The following SCGB2B2 variants were observed in gnomAD, a reference collection of about 807,000 sequenced individuals.
SCGB2B2 encodes the protein secretoglobin-like protein.
In SCGB2B2, 11 loss-of-function variants were observed where a neutral mutation model predicts 7.6. The observed-to-expected ratio is 1.45, with a 90% CI of 0.91 to 2.40. The LOEUF is 2.40. Ranked by LOEUF, SCGB2B2 falls within the 30% of genes most tolerant of loss-of-function variation. The probability of loss-of-function intolerance (pLI) is 0.00; values close to 1 mark genes in which losing one functional copy is unlikely to be tolerated. For synonymous variants in SCGB2B2, 50 were observed against 48.6 expected (o/e 1.03, Z -0.12); for missense variants, 104 against 115.4 (o/e 0.90, Z 0.45).
chr19:34,635,733 G>C (rs183663762), intron 1 of SCGB2B2: 24 of 166,902 alleles, frequency 1.4e-4, no homozygotes, highest in Non-Finnish European at 3.1e-4. Context: ...AGTATTTCTG[G>C]GTGAATTCTG....
chr19:34,610,007 T>A (rs2065885692), intron 1 of SCGB2B2, among the ~76,000 whole-genome samples: 1 of 152,166 alleles, frequency 6.6e-6, no homozygotes, highest in African/African-American at 2.4e-5. Flanking sequence ...ATCAATGTTT[T>A]ATAGCTTTTT....
intron 1 of SCGB2B2, among the ~76,000 whole-genome samples, chr19:34,653,838 A>C (rs1040534823): frequency 6.6e-6 from 1 of 151,260 alleles, no homozygotes; most frequent in Non-Finnish European, 1.5e-5. Flanking sequence ...ATGGTAATAT[A>C]TAAAAACCCA....
At chr19:34,630,528 G>T (rs996780912) in intron 1 of SCGB2B2, among the ~76,000 whole-genome samples, 24 of 151,872 alleles carry the variant, frequency 1.6e-4, no homozygotes, top group African/African-American at 5.6e-4. Context: ...CACCATCACT[G>T]GCCATCAGAG....
Position 34,676,672 on chromosome 19 carries a change from C to T in SCGB2B2, c.-3074G>A, listed in dbSNP as rs2067962206. 1 of 152,134 alleles carries T rather than the reference C, an allele frequency of 6.6e-6. No homozygotes were observed. The highest frequency in any genetic ancestry group is 1.5e-5 in the Non-Finnish European group (1 of 68,036). The allele number at this position is 152,134 out of a possible 1,614,324, so 9.4% of individuals were successfully genotyped here. A position where few individuals can be genotyped will look rare whatever the true frequency, so the allele number is the denominator to read the frequency against. ...TCTCTCTTGGGGTCGGATCCGGACC[C>T]CTTTCTGGTAACAGAAGCACTGCTT... On this transcript the variant is annotated 5_prime_UTR_variant, in exon 1 of 4. Coordinates refer to ENST00000601241, the MANE Select transcript of SCGB2B2 (RefSeq NM_001025591.4).
chr19:34,659,319 G>T (rs2067382135), intron 1 of SCGB2B2, among the ~76,000 whole-genome samples: 1 of 152,106 alleles, frequency 6.6e-6, no homozygotes, highest in Admixed American at 6.5e-5. Context: ...GAAAGAAAGG[G>T]TATTCAATTA....
At chr19:34,619,878 A>G (rs1325888961) in intron 1 of SCGB2B2, among the ~76,000 whole-genome samples, 2 of 152,240 alleles carry the variant, frequency 1.3e-5, no homozygotes, top group Non-Finnish European at 2.9e-5. Flanking sequence ...AGACCCAAGA[A>G]TCAAAGCTTT....
chr19:34,616,181 T>C lies in SCGB2B2; in HGVS notation c.-2031-19587A>G, dbSNP rs1302208146. On this transcript the variant is annotated intron_variant, in intron 1 of 3. Transcript: ENST00000601241. ...CATGTGTCTTTATAGCAGCATAATT[T>C]ATAGTCCTTTGGGTATATACCCAGT... 2.0e-5 allele frequency among the ~76,000 whole-genome samples: 3 copies of C among 150,750 alleles called. No individual in the cohort carries two copies. The South Asian group carries it at 6.4e-4, about 32-fold the overall frequency.
chr19:34,657,731 C>G (rs1364473287), intron 1 of SCGB2B2, among the ~76,000 whole-genome samples: 3 of 152,170 alleles, frequency 2.0e-5, no homozygotes, highest in African/African-American at 7.2e-5. Context: ...GAACTCAGCT[C>G]TGCACCAAGC....
chr19:34,616,258 G>A (rs1270275), intron 1 of SCGB2B2, among the ~76,000 whole-genome samples: 2 of 147,948 alleles, frequency 1.4e-5, no homozygotes, highest in Admixed American at 1.4e-4. Flanking sequence ...CCTGAGGAAT[G>A]GCCACACTGA....
At chr19:34,621,658 C>A (rs976697228) in intron 1 of SCGB2B2, among the ~76,000 whole-genome samples, 1 of 152,164 alleles carries the variant, frequency 6.6e-6, no homozygotes, top group African/African-American at 2.4e-5. Flanking sequence ...TTAAGCTGAG[C>A]ATTCTTTAAG....
In SCGB2B2 at chr19:34,593,248, A is replaced by C. The variant is rs964509575; in HGVS notation, c.*307T>G. On this transcript the variant is annotated 3_prime_UTR_variant, in exon 4 of 4. Transcript: ENST00000601241. ...GGCAGGAGAATCGCTTGAACCCAGA[A>C]GGTGGAGGCTGCAGTGAGCCAAGAT... 1.0e-5 allele frequency: 3 copies of C among 289,044 alleles called. No individual in the cohort carries two copies. Among genetic ancestry groups the C allele is most frequent in the Non-Finnish European group, 1.9e-5 (3 of 154,316 alleles). The allele number at this position is 289,044 out of a possible 1,614,324, so 17.9% of individuals were successfully genotyped here.
chr19:34,625,757 C>T (rs1300478979), intron 1 of SCGB2B2, among the ~76,000 whole-genome samples: 3 of 152,142 alleles, frequency 2.0e-5, no homozygotes, highest in Non-Finnish European at 4.4e-5. Context: ...TGTCTGACAG[C>T]TTTGAAGAGA....
At chr19:34,668,811 C>G (rs2067716074) in intron 1 of SCGB2B2, among the ~76,000 whole-genome samples, 1 of 152,112 alleles carries the variant, frequency 6.6e-6, no homozygotes, top group Non-Finnish European at 1.5e-5. Flanking sequence ...ACCTTTGTGT[C>G]TAGCTCAGGG....
chr19:34,614,115 C>A (rs1301664463), intron 1 of SCGB2B2, among the ~76,000 whole-genome samples: 4 of 151,954 alleles, frequency 2.6e-5, no homozygotes, highest in African/African-American at 4.8e-5. Flanking sequence ...TCAGCTGAAT[C>A]TTTTTTGGGG....
intron 1 of SCGB2B2, among the ~76,000 whole-genome samples, chr19:34,601,204 C>T (rs1034912249): frequency 5.3e-5 from 8 of 152,102 alleles, no homozygotes; most frequent in African/African-American, 1.2e-4. Context: ...CATAGAGGGC[C>T]GTAGTTTGCT....
rs1320870475 is a variant in SCGB2B2, at chr19:34,676,734, A to G, written c.-3136T>C. ...TGCAGGTCAGTACTTAATAAGTACAAAAAAGTCTATAGCGACACTATTTAT... is the reference window on the plus strand; with the variant it reads ...TGCAGGTCAGTACTTAATAAGTACAGAAAAGTCTATAGCGACACTATTTAT... On this transcript the variant is annotated 5_prime_UTR_variant, in exon 1 of 4. Transcript: ENST00000601241. 6.6e-6 allele frequency: 1 copy of G among 152,248 alleles called. No individual in the cohort carries two copies. The highest frequency in any genetic ancestry group is 1.9e-4 in the East Asian group (1 of 5,202). The allele number at this position is 152,248 out of a possible 1,614,324, so 9.4% of individuals were successfully genotyped here. A position where few individuals can be genotyped will look rare whatever the true frequency, so the allele number is the denominator to read the frequency against.
intron 1 of SCGB2B2, among the ~76,000 whole-genome samples, chr19:34,663,363 G>A (rs913770882): frequency 6.6e-6 from 1 of 152,206 alleles, no homozygotes; most frequent in East Asian, 1.9e-4. Flanking sequence ...AATAGAATCA[G>A]TACACAATGG....
At chr19:34,609,390 T>C (rs563933294) in intron 1 of SCGB2B2, among the ~76,000 whole-genome samples, 61 of 152,224 alleles carry the variant, frequency 4.0e-4, no homozygotes, top group African/African-American at 1.4e-3. Flanking sequence ...TATAAAATCT[T>C]TGCCAAGACC....
At chr19:34,617,623 A>G (rs2066120678) in intron 1 of SCGB2B2, among the ~76,000 whole-genome samples, 1 of 152,182 alleles carries the variant, frequency 6.6e-6, no homozygotes, top group Non-Finnish European at 1.5e-5. Flanking sequence ...CAATCATGTC[A>G]TCTGCAAACA....
Sources: allele counts gnomAD v4.1 joint callset (sites outside exome capture counted in the v4.1 genomes callset), GRCh38; gene constraint gnomAD v4.1.1; transcripts MANE v1.5; gene names NCBI Gene and HGNC (gene_info 2026-07-23, HGNC 2026-07-21).